Variants in TSHZ1 observed in about 807,000 individuals in gnomAD.
TSHZ1 encodes the protein teashirt homolog 1.
Under a neutral mutation model 67.1 loss-of-function variants are expected in TSHZ1, and 12 were observed. That is an observed-to-expected ratio of 0.18 (90% CI 0.11 to 0.29). TSHZ1 has a LOEUF of 0.29. Ranked by LOEUF, TSHZ1 falls within the 10% of genes least tolerant of loss-of-function variation. The pLI is 1.00. For missense variants in TSHZ1, 1,305 were observed against 1,413.9 expected, an observed-to-expected ratio of 0.92 and a Z score of 1.23; for synonymous variants, 632 against 622.4, an observed-to-expected ratio of 1.02 and a Z score of -0.23.
chr18:75,251,077 GTTC>G (rs2023297707), intron 1 of TSHZ1, among the ~76,000 whole-genome samples: 1 of 152,162 alleles, frequency 6.6e-6, no homozygotes, highest in African/African-American at 2.4e-5. Flanking sequence ...TTGTCAGTGT[GTTC>G]TTCTATTTCT....
chr18:75,278,269 G>C (rs117806589), intron 1 of TSHZ1, among the ~76,000 whole-genome samples: 8,344 of 145,856 alleles, frequency 0.057, 319 homozygotes, highest in South Asian at 0.091. Flanking sequence ...TGGGTTGGAG[G>C]GGGGCTGGCT....
chr18:75,246,654 T>A (rs1378997763), intron 1 of TSHZ1, among the ~76,000 whole-genome samples: 1 of 151,998 alleles, frequency 6.6e-6, no homozygotes, highest in African/African-American at 2.4e-5. Context: ...TTTAAAGGGG[T>A]GATGGCTTCA....
chr18:75,279,115 G>A lies in TSHZ1; in HGVS notation c.41-6333G>A, dbSNP rs765028193. Among the ~76,000 whole-genome samples, 94 of 152,222 alleles carry A rather than the reference G, an allele frequency of 6.2e-4. 1 individual carries two copies. The highest frequency in any genetic ancestry group is 2.8e-4 in the Non-Finnish European group (19 of 68,014). Reference sequence around the variant, plus strand: ...AGAATGGTGAGGATGTGCTTTATTCGAGGGGGACAGGAGAGCTGCTTGGGG... The same window carrying A: ...AGAATGGTGAGGATGTGCTTTATTCAAGGGGGACAGGAGAGCTGCTTGGGG... On this transcript the variant is annotated intron_variant, in intron 1 of 1. Transcript: ENST00000580243.
rs1397834811 is a variant in TSHZ1, at chr18:75,211,691, G to A, written c.-186G>A. 12 of 159,146 alleles carry A rather than the reference G, an allele frequency of 7.5e-5. No homozygotes were observed. In the South Asian group the frequency reaches 2.4e-3, roughly 32 times the overall value. The allele number at this position is 159,146 out of a possible 1,614,324, so 9.9% of individuals were successfully genotyped here. A position where few individuals can be genotyped will look rare whatever the true frequency, so the allele number is the denominator to read the frequency against. ...GGCCGCCGCCGCCGCCTCCTGAGCG[G>A]CCCCGGGCGCGGCGGTCCATGCGAG... On this transcript the variant is annotated 5_prime_UTR_variant, in exon 1 of 2. Transcript: ENST00000580243.
intron 1 of TSHZ1, among the ~76,000 whole-genome samples, chr18:75,257,635 G>A (rs1396519172): frequency 6.6e-6 from 1 of 151,898 alleles, no homozygotes; most frequent in African/African-American, 2.4e-5. Context: ...AAAAAAGGCT[G>A]GTGTCTGCAG....
intron 1 of TSHZ1, among the ~76,000 whole-genome samples, chr18:75,252,948 A>G (rs1568361040): frequency 6.6e-6 from 1 of 152,138 alleles, no homozygotes; most frequent in Non-Finnish European, 1.5e-5. Context: ...CTTTAGAATC[A>G]TTTTTGTCAC....
chr18:75,288,847 A>T lies in TSHZ1; in HGVS notation c.*206A>T. 1.3e-6 allele frequency: 1 copy of T among 757,134 alleles called. No homozygotes were observed. The highest frequency in any genetic ancestry group is 3.9e-5 in the Admixed American group (1 of 25,370). The allele number at this position is 757,134 out of a possible 1,614,324, so 46.9% of individuals were successfully genotyped here. On this transcript the variant is annotated 3_prime_UTR_variant, in exon 2 of 2. Coordinates refer to ENST00000580243, the MANE Select transcript of TSHZ1 (RefSeq NM_001308210.2). This position sits in a 1 kb window ranked among gnomAD's most constrained non-coding sequence, Gnocchi z 4.9. The stretch of plus-strand genomic sequence containing the variant: ...TTCTTTTTCCGTGAGTCAAAGTCTG[A>T]CCTTTATTTTCAACATCTGTTCTTG...
intron 1 of TSHZ1, among the ~76,000 whole-genome samples, chr18:75,258,958 A>G (rs1221582451): frequency 6.6e-6 from 1 of 152,194 alleles, no homozygotes; most frequent in Non-Finnish European, 1.5e-5. Context: ...GTTATAAAGC[A>G]TTGACATTTT....
At chr18:75,221,759 C>G (rs1366167163) in intron 1 of TSHZ1, among the ~76,000 whole-genome samples, 1 of 152,190 alleles carries the variant, frequency 6.6e-6, no homozygotes, top group East Asian at 1.9e-4. Context: ...TAAAACATGT[C>G]TGTTTTCTCC....
At chr18:75,261,561 G>T (rs1175754655) in intron 1 of TSHZ1, among the ~76,000 whole-genome samples, 1 of 152,230 alleles carries the variant, frequency 6.6e-6, no homozygotes, top group Non-Finnish European at 1.5e-5. Context: ...AGGGGCTGCT[G>T]CCCAGATTGA....
intron 1 of TSHZ1, among the ~76,000 whole-genome samples, chr18:75,278,977 C>T (rs886196831): frequency 6.6e-6 from 1 of 152,134 alleles, no homozygotes; most frequent in Non-Finnish European, 1.5e-5. Flanking sequence ...CTTGCACCCA[C>T]TAAGTCTGTG....
intron 1 of TSHZ1, among the ~76,000 whole-genome samples, chr18:75,277,338 A>C (rs1412273195): frequency 6.6e-6 from 1 of 152,178 alleles, no homozygotes; most frequent in African/African-American, 2.4e-5. Flanking sequence ...GGACGATGGC[A>C]CATCTGTGTG....
At chr18:75,223,318 AT>A (rs1296033993) in intron 1 of TSHZ1, among the ~76,000 whole-genome samples, 1 of 152,154 alleles carries the variant, frequency 6.6e-6, no homozygotes, top group South Asian at 2.1e-4. Context: ...TATAGGGAAG[AT>A]TTTTTTAGTT....
intron 1 of TSHZ1, among the ~76,000 whole-genome samples, chr18:75,250,680 C>T (rs1375468479): frequency 1.3e-5 from 2 of 152,240 alleles, no homozygotes; most frequent in Non-Finnish European, 2.9e-5. Flanking sequence ...TGCATCTCCC[C>T]TCTGAGAGCA....
rs1264952625 is a variant in TSHZ1, at chr18:75,281,483, C to CGGGCCCTACA, written c.41-3964_41-3955dup. Among the ~76,000 whole-genome samples, 1 of 152,166 alleles carries CGGGCCCTACA rather than the reference C, an allele frequency of 6.6e-6. No individual in the cohort carries two copies. The highest frequency in any genetic ancestry group is 1.5e-5 in the Non-Finnish European group (1 of 68,030). ...TGGCAGAACAGTGGGGCTCCTTCCA[C>CGGGCCCTACA]GGGCCCTACATGGGGCCAGGCCCTG... On this transcript the variant is annotated intron_variant, in intron 1 of 1. Transcript: ENST00000580243. The surrounding 1 kb of genome is among the most constrained non-coding windows in gnomAD (Gnocchi z 5.3).
chr18:75,264,251 A>G (rs1023744021), intron 1 of TSHZ1, among the ~76,000 whole-genome samples: 4 of 152,222 alleles, frequency 2.6e-5, no homozygotes, highest in Non-Finnish European at 4.4e-5. Flanking sequence ...ATTGAAAACA[A>G]TATGTCATCC....
At chr18:75,246,787 T>C (rs547537143) in intron 1 of TSHZ1, among the ~76,000 whole-genome samples, 19 of 152,224 alleles carry the variant, frequency 1.2e-4, no homozygotes, top group African/African-American at 4.3e-4. Context: ...TGTGGCAAAT[T>C]TTCTCTCCTT....
chr18:75,244,460 G>C (rs1372473769), intron 1 of TSHZ1: 1 of 152,256 alleles, frequency 6.6e-6, no homozygotes, highest in Non-Finnish European at 1.5e-5. Flanking sequence ...GCATTCCTGT[G>C]CTGGAAAAAG....
intron 1 of TSHZ1, among the ~76,000 whole-genome samples, chr18:75,251,417 C>A (rs1388266717): frequency 6.7e-6 from 1 of 150,204 alleles, no homozygotes; most frequent in Non-Finnish European, 1.5e-5. Context: ...TATTTATTGG[C>A]TTGCTTTTTC....
Sources: allele counts gnomAD v4.1 joint callset (sites outside exome capture counted in the v4.1 genomes callset), GRCh38; gene constraint gnomAD v4.1.1; non-coding constraint Gnocchi (gnomAD v3.1); transcripts MANE v1.5; gene names NCBI Gene and HGNC (gene_info 2026-07-23, HGNC 2026-07-21).